Variants in ITFG1 observed in about 807,000 individuals in gnomAD.
ITFG1 encodes integrin alpha FG-GAP repeat containing 1, also known as T-cell immunomodulatory protein.
Under a neutral mutation model 81.8 loss-of-function variants are expected in ITFG1, and 34 were observed. The observed-to-expected ratio is 0.42, with a 90% CI of 0.32 to 0.55. The LOEUF (loss-of-function observed/expected upper bound fraction) is 0.55, where lower values mean the gene tolerates loss of function less well. Ranked by LOEUF, ITFG1 falls within the 20% of genes least tolerant of loss-of-function variation. The pLI is 0.17. For missense variants in ITFG1, 672 were observed against 755.4 expected, an observed-to-expected ratio of 0.89 and a Z score of 1.29; for synonymous variants, 285 against 270.6, an observed-to-expected ratio of 1.05 and a Z score of -0.52.
At chr16:47,260,043 A>G (rs1415830732) in intron 11 of ITFG1, among the ~76,000 whole-genome samples, 2 of 149,330 alleles carry the variant, frequency 1.3e-5, no homozygotes, top group African/African-American at 5.0e-5. Context: ...GGTTCACGCC[A>G]TTCTCCTGCC....
At chr16:47,222,413 CTT>C (rs1043034196) in intron 13 of ITFG1, among the ~76,000 whole-genome samples, 14 of 130,908 alleles carry the variant, frequency 1.1e-4, no homozygotes, top group Admixed American at 3.0e-4. Flanking sequence ...GAGTTTCTTT[CTT>C]TTTTTTTTTT....
chr16:47,279,109 T>C (rs1056991768), intron 10 of ITFG1, among the ~76,000 whole-genome samples: 1 of 152,148 alleles, frequency 6.6e-6, no homozygotes, highest in Non-Finnish European at 1.5e-5. Context: ...CTTTGCAATG[T>C]CTTTTGTGAA....
chr16:47,424,322 C>A (rs987443718), intron 6 of ITFG1, among the ~76,000 whole-genome samples: 3 of 152,176 alleles, frequency 2.0e-5, no homozygotes, highest in African/African-American at 7.2e-5. Context: ...TTCTAGTTAG[C>A]CATTCGCCTA....
chr16:47,228,421 G>A (rs894041159), intron 13 of ITFG1, among the ~76,000 whole-genome samples: 4 of 151,964 alleles, frequency 2.6e-5, no homozygotes, highest in Non-Finnish European at 2.9e-5. Flanking sequence ...GCCCAGTGGC[G>A]CGATCACAGC....
intron 6 of ITFG1, among the ~76,000 whole-genome samples, chr16:47,389,261 A>T (rs925388018): frequency 3.3e-5 from 5 of 152,232 alleles, no homozygotes; most frequent in Non-Finnish European, 7.3e-5. Context: ...CAATTAGTAA[A>T]GGAATTATGT....
intron 10 of ITFG1, among the ~76,000 whole-genome samples, chr16:47,296,831 A>T (rs1381688525): frequency 6.6e-6 from 1 of 152,168 alleles, no homozygotes; most frequent in Non-Finnish European, 1.5e-5. Context: ...ATTTTTAAAA[A>T]TTTTTTGAGA....
chr16:47,165,300 T>C (rs1304192763), intron 14 of ITFG1, among the ~76,000 whole-genome samples: 1 of 152,220 alleles, frequency 6.6e-6, no homozygotes, highest in African/African-American at 2.4e-5. Context: ...CTGGAAAGTA[T>C]ATTTACCTGA....
chr16:47,158,119 G>A (rs1000035660), intron 17 of ITFG1, among the ~76,000 whole-genome samples: 3 of 152,062 alleles, frequency 2.0e-5, no homozygotes, highest in Admixed American at 6.5e-5. Flanking sequence ...TTTGAGACAG[G>A]GTCTCACTCC....
chr16:47,386,031 T>TAAAC (rs1968457106), intron 6 of ITFG1, among the ~76,000 whole-genome samples: 1 of 152,106 alleles, frequency 6.6e-6, no homozygotes, highest in South Asian at 2.1e-4. Flanking sequence ...GCCATTGACT[T>TAAAC]AAACAAAAAA....
At position 47,154,826 on chromosome 16, in the gene ITFG1, GGA is replaced by G. The variant is rs982554324; in HGVS notation, c.*891_*892del. ...AAATTTTTAGGGCACATTAATTCTT[GGA>G]GAGTACTATAATTTTTAGTTAATAT... On this transcript the variant is annotated 3_prime_UTR_variant, in exon 18 of 18. Transcript: ENST00000320640. 2.0e-5 allele frequency: 3 copies of G among 152,148 alleles called. No homozygotes were observed. The highest frequency in any genetic ancestry group is 7.2e-5 in the African/African-American group (3 of 41,440). The allele number at this position is 152,148 out of a possible 1,614,324, so 9.4% of individuals were successfully genotyped here. A position where few individuals can be genotyped will look rare whatever the true frequency, so the allele number is the denominator to read the frequency against.
At chr16:47,206,118 G>A (rs867302094) in intron 14 of ITFG1, among the ~76,000 whole-genome samples, 16 of 151,760 alleles carry the variant, frequency 1.1e-4, no homozygotes, top group Middle Eastern at 3.2e-3. Flanking sequence ...CACCCACCTC[G>A]GCTTCCCAAA....
At chr16:47,359,988 C>T (rs1174244254) in intron 8 of ITFG1, among the ~76,000 whole-genome samples, 1 of 152,108 alleles carries the variant, frequency 6.6e-6, no homozygotes, top group East Asian at 1.9e-4. Context: ...TGGCTATATG[C>T]CAAGCATATA....
chr16:47,365,847 G>A lies in ITFG1; in HGVS notation c.743C>T (p.Thr248Ile). ...ENLDGNFSVS[T>I]ILEKPQNMMV... is the part of the protein sequence containing the mutation. ...CATATTTTGAGGTTTTTCCAATATA[G>A]TACTGACAGAGAAGTTTCCATCCTG... Residue 248 changes from threonine (T) to isoleucine (I), a missense_variant, in exon 8 of 18, where the codon ACT (threonine) becomes ATT (isoleucine). Thr to Ile is a moderately conservative substitution (Grantham distance 89). Coordinates refer to ENST00000320640, the MANE Select transcript of ITFG1 (RefSeq NM_030790.5). The A allele has an allele frequency of 1.9e-6, 3 of 1,594,782 alleles. No individual in the cohort carries two copies. Among genetic ancestry groups the A allele is most frequent in the Non-Finnish European group, 2.6e-6 (3 of 1,164,314 alleles).
chr16:47,179,145 C>G (rs1965067494), intron 14 of ITFG1, among the ~76,000 whole-genome samples: 1 of 152,164 alleles, frequency 6.6e-6, no homozygotes, highest in African/African-American at 2.4e-5. Flanking sequence ...TAAACTAGTT[C>G]AACCATTGTG....
intron 2 of ITFG1, among the ~76,000 whole-genome samples, chr16:47,454,859 G>A (rs1969432615): frequency 6.6e-6 from 1 of 152,078 alleles, no homozygotes; most frequent in South Asian, 2.1e-4. Flanking sequence ...CAAAAATTAG[G>A]CCTTTAATTC....
intron 8 of ITFG1, among the ~76,000 whole-genome samples, chr16:47,329,398 T>A (rs1343478397): frequency 6.6e-6 from 1 of 152,156 alleles, no homozygotes; most frequent in African/African-American, 2.4e-5. Context: ...CTACCAGCAG[T>A]CCACTTCCAC....
intron 13 of ITFG1, among the ~76,000 whole-genome samples, chr16:47,229,926 T>G (rs1487616769): frequency 6.6e-6 from 1 of 152,224 alleles, no homozygotes; most frequent in South Asian, 2.1e-4. Context: ...TTTTGAGAGA[T>G]AAATATTCAC....
chr16:47,379,218 G>C (rs1227636131), intron 6 of ITFG1, among the ~76,000 whole-genome samples: 1 of 152,126 alleles, frequency 6.6e-6, no homozygotes, highest in Non-Finnish European at 1.5e-5. Flanking sequence ...GGGTCCCCTT[G>C]AGGCTTTTAC....
At chr16:47,186,785 A>G in intron 14 of ITFG1, among the ~76,000 whole-genome samples, 1 of 152,226 alleles carries the variant, frequency 6.6e-6, no homozygotes, top group East Asian at 1.9e-4. Flanking sequence ...AGAAGGAAAT[A>G]AAGGGTATTC....
Sources: allele counts gnomAD v4.1 joint callset (sites outside exome capture counted in the v4.1 genomes callset), GRCh38; gene constraint gnomAD v4.1.1; transcripts MANE v1.5; gene names NCBI Gene and HGNC (gene_info 2026-07-23, HGNC 2026-07-21).